The following GRID1 variants were observed in gnomAD, a reference collection of about 807,000 sequenced individuals.
The protein encoded by GRID1 is glutamate ionotropic receptor delta type subunit 1, also known as glutamate receptor ionotropic, delta-1.
In GRID1, 28 loss-of-function variants were observed where a neutral mutation model predicts 98.0. That is an observed-to-expected ratio of 0.29 (90% CI 0.21 to 0.39). The LOEUF is 0.39. Among genes scored for constraint, GRID1 ranks in the 10% least tolerant of loss-of-function variants. GRID1 has a pLI of 1.00. For synonymous variants in GRID1, 553 were observed against 538.5 expected (o/e 1.03, Z -0.37); for missense variants, 1,111 against 1,340.5 (o/e 0.83, Z 2.67).
intron 12 of GRID1, among the ~76,000 whole-genome samples, chr10:85,702,582 A>G (rs1414840861): frequency 6.6e-6 from 1 of 152,150 alleles, no homozygotes; most frequent in Non-Finnish European, 1.5e-5. Context: ...ACCTCACTGA[A>G]TCCTGAGAAA....
chr10:85,719,422 T>G (rs1027607737), intron 12 of GRID1, among the ~76,000 whole-genome samples: 5 of 152,222 alleles, frequency 3.3e-5, no homozygotes, highest in Admixed American at 2.0e-4. Context: ...TACCCAAAAC[T>G]GGGAACAAAA....
chr10:85,797,833 G>T (rs1256280885), intron 8 of GRID1, among the ~76,000 whole-genome samples: 1 of 152,046 alleles, frequency 6.6e-6, no homozygotes, highest in Admixed American at 6.5e-5. Context: ...TGCAGTATTT[G>T]GTTTTCTGTT....
At chr10:85,613,844 G>A (rs1842760806) in intron 14 of GRID1, among the ~76,000 whole-genome samples, 197 bp from the exon 15 acceptor site, 1 of 152,140 alleles carries the variant, frequency 6.6e-6, no homozygotes, top group South Asian at 2.1e-4. Flanking sequence ...CGCACATTAG[G>A]TTTTGTCACT....
At chr10:85,889,652 C>T (rs1464517315) in intron 5 of GRID1, among the ~76,000 whole-genome samples, 1 of 152,144 alleles carries the variant, frequency 6.6e-6, no homozygotes, top group African/African-American at 2.4e-5. Context: ...CATGAGAGTT[C>T]AGGTACTTTG....
intron 12 of GRID1, among the ~76,000 whole-genome samples, chr10:85,712,234 A>C (rs953969516): frequency 6.6e-6 from 1 of 151,842 alleles, no homozygotes; most frequent in Non-Finnish European, 1.5e-5. Context: ...GATTTAAAAA[A>C]CATGATCCAA....
At chr10:85,754,810 A>G (rs1842080424) in intron 8 of GRID1, among the ~76,000 whole-genome samples, 1 of 152,196 alleles carries the variant, frequency 6.6e-6, no homozygotes, top group Non-Finnish European at 1.5e-5. Context: ...CTTGGGCAGG[A>G]AACTCTTTGA....
intron 12 of GRID1, among the ~76,000 whole-genome samples, chr10:85,651,420 T>C (rs1214485956): frequency 6.6e-6 from 1 of 152,186 alleles, no homozygotes; most frequent in Non-Finnish European, 1.5e-5. Context: ...CAACTGCCCA[T>C]CTGTCTCCCC....
At chr10:85,737,406 G>C (rs1841893673) in intron 8 of GRID1, among the ~76,000 whole-genome samples, 1 of 151,856 alleles carries the variant, frequency 6.6e-6, no homozygotes, top group African/African-American at 2.4e-5. Context: ...GCACTGGCAA[G>C]AGATCAGTCA....
chr10:85,702,843 A>T (rs1327421173), intron 12 of GRID1, among the ~76,000 whole-genome samples: 1 of 151,732 alleles, frequency 6.6e-6, no homozygotes, highest in Non-Finnish European at 1.5e-5. Flanking sequence ...AAAAACAGGC[A>T]TGTGGTAAGT....
chr10:85,791,957 A>G (rs1842484739), intron 8 of GRID1, among the ~76,000 whole-genome samples: 1 of 152,128 alleles, frequency 6.6e-6, no homozygotes, highest in Non-Finnish European at 1.5e-5. Flanking sequence ...GTCAGAAATA[A>G]GAGAAGCAGC....
chr10:86,323,604 A>G (rs543148996), intron 2 of GRID1, among the ~76,000 whole-genome samples: 43 of 152,386 alleles, frequency 2.8e-4, no homozygotes, highest in African/African-American at 1.0e-3. Flanking sequence ...AAATGAATCC[A>G]GAGAGCAGAG....
intron 2 of GRID1, among the ~76,000 whole-genome samples, chr10:86,218,140 T>C (rs192853231): frequency 6.9e-6 from 1 of 144,800 alleles, no homozygotes; most frequent in African/African-American, 2.9e-5. Context: ...CTTCTGACTT[T>C]CTGAGTCTTG....
At chr10:85,607,807 CTTTT>C (rs749667195) in intron 15 of GRID1, among the ~76,000 whole-genome samples, 1 of 137,658 alleles carries the variant, frequency 7.3e-6, no homozygotes, top group African/African-American at 2.7e-5. Context: ...TTTCCTTTTC[CTTTT>C]TTTTTTTTTT....
intron 12 of GRID1, among the ~76,000 whole-genome samples, chr10:85,684,823 A>C (rs183906901): frequency 1.3e-5 from 2 of 152,270 alleles, no homozygotes; most frequent in East Asian, 3.9e-4. Flanking sequence ...GGTTCTGGTG[A>C]AGGTTCACTT....
At chr10:85,793,380 C>T (rs1017292340) in intron 8 of GRID1, among the ~76,000 whole-genome samples, 1 of 152,330 alleles carries the variant, frequency 6.6e-6, no homozygotes, top group Non-Finnish European at 1.5e-5. Context: ...ACTTTCTCTT[C>T]TGGAGTCTCT....
intron 3 of GRID1, among the ~76,000 whole-genome samples, chr10:86,158,705 GT>G (rs1845280028): frequency 6.6e-6 from 1 of 152,138 alleles, no homozygotes. Context: ...ATGAGCAGAT[GT>G]CCCCACTCAG....
chr10:85,829,368 A>T (rs944783865), intron 8 of GRID1, among the ~76,000 whole-genome samples: 6 of 152,194 alleles, frequency 3.9e-5, no homozygotes, highest in Admixed American at 3.3e-4. Context: ...AAAAGCTGGA[A>T]GCATTCCGCT....
chr10:86,216,287 C>T (rs1846175965), intron 2 of GRID1, among the ~76,000 whole-genome samples: 1 of 152,112 alleles, frequency 6.6e-6, no homozygotes, highest in African/African-American at 2.4e-5. Flanking sequence ...AGGGTCAGGG[C>T]CTGAAGCAGA....
chr10:85,634,291 T>TCTCACA lies in GRID1; in HGVS notation c.2193+12910_2193+12911insTGTGAG, dbSNP rs1162030685. Among the ~76,000 whole-genome samples the TCTCACA allele has an allele frequency of 5.5e-4, 57 of 102,994 alleles. No individual in the cohort carries two copies. The Middle Eastern group carries it at 0.02, about 37-fold the overall frequency. The allele number at this position is 102,994 out of a possible 152,430, so 67.6% of individuals were successfully genotyped here. A position where few individuals can be genotyped will look rare whatever the true frequency, so the allele number is the denominator to read the frequency against. ...CTCTCTCTCTCTCTCTCTCTCTCTC[T>TCTCACA]CACACACACACACACACACACACAG... On this transcript the variant is annotated intron_variant, in intron 13 of 15. Transcript: ENST00000327946.
Sources: allele counts gnomAD v4.1 joint callset (sites outside exome capture counted in the v4.1 genomes callset), GRCh38; gene constraint gnomAD v4.1.1; transcripts MANE v1.5; gene names NCBI Gene and HGNC (gene_info 2026-07-23, HGNC 2026-07-21).